Variants in CACNA2D1 observed in about 807,000 individuals in gnomAD.
The protein encoded by CACNA2D1 is voltage-dependent calcium channel subunit alpha-2/delta-1.
CACNA2D1 carries 53 observed loss-of-function variants against 171.5 expected under a neutral mutation model. The observed-to-expected ratio is 0.31, with a 90% CI of 0.25 to 0.39. The LOEUF (loss-of-function observed/expected upper bound fraction) is 0.39, where lower values mean the gene tolerates loss of function less well. Ranked by LOEUF, CACNA2D1 falls within the 10% of genes least tolerant of loss-of-function variation. The probability of loss-of-function intolerance (pLI) is 1.00; values close to 1 mark genes in which losing one functional copy is unlikely to be tolerated. For missense variants in CACNA2D1, 903 were observed against 1,299.8 expected, an observed-to-expected ratio of 0.69 and a Z score of 4.69; for synonymous variants, 442 against 443.1, an observed-to-expected ratio of 1.00 and a Z score of 0.03.
chr7:82,199,419 G>C (rs1799185792), intron 3 of CACNA2D1, among the ~76,000 whole-genome samples: 1 of 151,988 alleles, frequency 6.6e-6, no homozygotes, highest in Admixed American at 6.6e-5. Flanking sequence ...AGATTTGGGG[G>C]CTCCAAAACA....
intron 3 of CACNA2D1, 152 bp downstream of exon 3, chr7:82,334,983 T>C: frequency 1.7e-6 from 1 of 579,078 alleles, no homozygotes; most frequent in Non-Finnish European, 3.1e-6. Context: ...GGTTTGCATT[T>C]AAACCATGAT....
At chr7:82,154,544 T>C (rs1296905655) in intron 4 of CACNA2D1, among the ~76,000 whole-genome samples, 2 of 152,132 alleles carry the variant, frequency 1.3e-5, no homozygotes, top group Non-Finnish European at 2.9e-5. Context: ...ATGACACATG[T>C]ATACCTAAGT....
intron 1 of CACNA2D1, among the ~76,000 whole-genome samples, chr7:82,392,335 G>A (rs193063846): frequency 2.6e-5 from 4 of 152,310 alleles, no homozygotes; most frequent in Non-Finnish European, 5.9e-5. Context: ...CAGGTGGGGG[G>A]CCACCCTCAT....
At chr7:82,111,806 T>C (rs62465773) in intron 6 of CACNA2D1, among the ~76,000 whole-genome samples, 27,588 of 151,622 alleles carry the variant, frequency 0.18, 2,731 homozygotes, top group East Asian at 0.35. Context: ...AATTACAAAA[T>C]AGATATTTTT....
intron 1 of CACNA2D1, among the ~76,000 whole-genome samples, chr7:82,397,718 T>A (rs1005108487): frequency 2.6e-5 from 4 of 152,236 alleles, no homozygotes; most frequent in African/African-American, 4.8e-5. Flanking sequence ...TATTAACGAA[T>A]GTGCTAAGCA....
intron 24 of CACNA2D1, 67 bp from the exon 25 acceptor site, chr7:81,974,619 T>C (rs1282966998): frequency 1.5e-5 from 12 of 801,666 alleles, no homozygotes; most frequent in Non-Finnish European, 2.4e-5. Flanking sequence ...TTAAAGGTAG[T>C]GAAAACACTA....
At chr7:82,116,016 C>T (rs1788996535) in intron 6 of CACNA2D1, among the ~76,000 whole-genome samples, 1 of 152,172 alleles carries the variant, frequency 6.6e-6, no homozygotes, top group South Asian at 2.1e-4. Flanking sequence ...AATTTGGACA[C>T]AGGTAGTCTG....
intron 3 of CACNA2D1, among the ~76,000 whole-genome samples, chr7:82,282,706 G>GA (rs61349794): frequency 0.33 from 49,707 of 149,214 alleles, 8,849 homozygotes; most frequent in Non-Finnish European, 0.36. Context: ...GTAAAATGTG[G>GA]GGGGGGGAAT....
At chr7:82,175,206 C>T (rs2129158092) in intron 3 of CACNA2D1, among the ~76,000 whole-genome samples, 1 of 151,968 alleles carries the variant, frequency 6.6e-6, no homozygotes, top group Non-Finnish European at 1.5e-5. Flanking sequence ...GATCATATAA[C>T]AGTTCAGTTA....
chr7:82,321,183 G>A (rs1184010877), intron 3 of CACNA2D1, among the ~76,000 whole-genome samples: 1 of 152,060 alleles, frequency 6.6e-6, no homozygotes, highest in African/African-American at 2.4e-5. Flanking sequence ...CAGAACATTC[G>A]AGGTCAGGAG....
intron 3 of CACNA2D1, among the ~76,000 whole-genome samples, chr7:82,304,396 C>T (rs1813448193): frequency 6.6e-6 from 1 of 150,628 alleles, no homozygotes; most frequent in African/African-American, 2.4e-5. Context: ...GATACCTGCA[C>T]TCCCAAGTAT....
At chr7:81,974,737 T>C (rs1424935206) in intron 24 of CACNA2D1, among the ~76,000 whole-genome samples, 185 bp from the exon 25 acceptor site, 3 of 151,310 alleles carry the variant, frequency 2.0e-5, no homozygotes, top group Admixed American at 1.3e-4. Context: ...GTGGTGATTA[T>C]AGGCAATATG....
At chr7:82,421,343 G>A (rs976791928) in intron 1 of CACNA2D1, among the ~76,000 whole-genome samples, 2 of 152,112 alleles carry the variant, frequency 1.3e-5, no homozygotes, top group South Asian at 2.1e-4. Context: ...ACAGAACTAC[G>A]AAATAATTAC....
chr7:82,316,100 A>G (rs1227616347), intron 3 of CACNA2D1, among the ~76,000 whole-genome samples: 1 of 152,118 alleles, frequency 6.6e-6, no homozygotes, highest in Non-Finnish European at 1.5e-5. Context: ...ATGTTTTAAA[A>G]CCTATAATTA....
At chr7:81,961,448 CT>C (rs564515673) in intron 36 of CACNA2D1, among the ~76,000 whole-genome samples, 150 of 150,584 alleles carry the variant, frequency 1.0e-3, no homozygotes, top group East Asian at 1.8e-3. Context: ...CAAAACAAGA[CT>C]TTTTTTTTGT....
At chr7:82,274,855 T>TATGA (rs71522608) in intron 3 of CACNA2D1, among the ~76,000 whole-genome samples, 17,040 of 150,290 alleles carry the variant, frequency 0.11, 1,504 homozygotes, top group East Asian at 0.28. Flanking sequence ...TACAGGTATT[T>TATGA]ATGAATGAAT....
intron 24 of CACNA2D1, among the ~76,000 whole-genome samples, chr7:81,975,383 A>C (rs1795735382): frequency 1.3e-5 from 2 of 152,148 alleles, no homozygotes; most frequent in South Asian, 4.1e-4. Context: ...ATATTTGCAA[A>C]TTATCTTTAA....
At chr7:82,287,318 G>A (rs1287761681) in intron 3 of CACNA2D1, among the ~76,000 whole-genome samples, 1 of 149,342 alleles carries the variant, frequency 6.7e-6, no homozygotes, top group Non-Finnish European at 1.5e-5. Flanking sequence ...AAATTTCTTA[G>A]TAACTTAAAT....
At chr7:82,216,509 T>C (rs1801112449) in intron 3 of CACNA2D1, among the ~76,000 whole-genome samples, 1 of 152,194 alleles carries the variant, frequency 6.6e-6, no homozygotes, top group Non-Finnish European at 1.5e-5. Context: ...TGAAGCAGTT[T>C]ATCAAAATCA....
Sources: allele counts gnomAD v4.1 joint callset (sites outside exome capture counted in the v4.1 genomes callset), GRCh38; gene constraint gnomAD v4.1.1; transcripts MANE v1.5; gene names NCBI Gene and HGNC (gene_info 2026-07-23, HGNC 2026-07-21).